The following STXBP3 variants were observed in gnomAD, a reference collection of about 807,000 sequenced individuals.
STXBP3 encodes syntaxin-binding protein 3.
STXBP3 carries 41 observed loss-of-function variants against 85.7 expected under a neutral mutation model. The ratio of observed to expected loss-of-function variants is 0.48; its 90% confidence interval spans 0.37 to 0.62. STXBP3 has a LOEUF of 0.62. Ranked by LOEUF, STXBP3 falls within the 20% of genes least tolerant of loss-of-function variation. The pLI is 0.00. For synonymous variants in STXBP3, 229 were observed against 231.7 expected (o/e 0.99, Z 0.10); for missense variants, 563 against 703.1 (o/e 0.80, Z 2.25).
intron 6 of STXBP3, among the ~76,000 whole-genome samples, chr1:108,762,354 C>T (rs1662157197): frequency 6.6e-6 from 1 of 152,126 alleles, no homozygotes; most frequent in African/African-American, 2.4e-5. Flanking sequence ...TTTATTTCTT[C>T]CTAATACACA....
intron 6 of STXBP3, among the ~76,000 whole-genome samples, chr1:108,769,020 G>C (rs1353536042): frequency 6.6e-6 from 1 of 152,060 alleles, no homozygotes; most frequent in Non-Finnish European, 1.5e-5. Context: ...TTTTAAACTC[G>C]CCAAAAACTT....
intron 17 of STXBP3, among the ~76,000 whole-genome samples, chr1:108,802,096 C>G (rs953513352): frequency 1.3e-5 from 2 of 151,986 alleles, no homozygotes; most frequent in African/African-American, 4.8e-5. Flanking sequence ...TCTGGGATTT[C>G]CTTATTAAAT....
At chr1:108,756,154 T>C (rs1258795267) in intron 3 of STXBP3, among the ~76,000 whole-genome samples, 2 of 152,340 alleles carry the variant, frequency 1.3e-5, no homozygotes, top group African/African-American at 4.8e-5. Context: ...ATAAAAAATA[T>C]AATTGACTAA....
At chr1:108,770,685 A>T (rs1170574530) in intron 6 of STXBP3, among the ~76,000 whole-genome samples, 1 of 152,196 alleles carries the variant, frequency 6.6e-6, no homozygotes, top group Non-Finnish European at 1.5e-5. Flanking sequence ...CTTACAATAA[A>T]TTTTCATAGT....
intron 6 of STXBP3, among the ~76,000 whole-genome samples, chr1:108,766,333 AT>A (rs1213306318): frequency 6.6e-6 from 1 of 152,154 alleles, no homozygotes. Flanking sequence ...AATATGTAAA[AT>A]TTCACTATGA....
At chr1:108,787,618 G>A (rs1025954086) in intron 11 of STXBP3, among the ~76,000 whole-genome samples, 2 of 151,908 alleles carry the variant, frequency 1.3e-5, no homozygotes, top group African/African-American at 4.8e-5. Context: ...AAATCAAACT[G>A]GTGATAATGA....
intron 11 of STXBP3, among the ~76,000 whole-genome samples, chr1:108,788,033 C>T (rs187608055): frequency 6.6e-6 from 1 of 152,200 alleles, no homozygotes; most frequent in African/African-American, 2.4e-5. Context: ...CTCAGACAAT[C>T]CTCCTGCCTC....
intron 8 of STXBP3, among the ~76,000 whole-genome samples, chr1:108,776,783 A>G (rs1221262355): frequency 6.6e-6 from 1 of 152,214 alleles, no homozygotes; most frequent in Non-Finnish European, 1.5e-5. Context: ...TTATGATTAA[A>G]TGAGTTAATA....
At chr1:108,790,972 T>A (rs1662961893) in intron 11 of STXBP3, among the ~76,000 whole-genome samples, 3 of 152,198 alleles carry the variant, frequency 2.0e-5, no homozygotes, top group Admixed American at 1.3e-4. Flanking sequence ...CAGTAGACTT[T>A]TATTATTACC....
intron 17 of STXBP3, among the ~76,000 whole-genome samples, chr1:108,801,603 G>A (rs1187105427): frequency 6.6e-6 from 1 of 151,898 alleles, no homozygotes; most frequent in East Asian, 1.9e-4. Flanking sequence ...GCTGAGTGTG[G>A]GTTAGGGGTT....
intron 11 of STXBP3, 58 bp from the exon 12 acceptor site, chr1:108,793,524 T>C: frequency 1.4e-6 from 2 of 1,398,708 alleles, no homozygotes; most frequent in Non-Finnish European, 2.0e-6. Flanking sequence ...ATTTCAAAGT[T>C]GTAATATGGA....
chr1:108,768,213 G>T (rs1458815019), intron 6 of STXBP3, among the ~76,000 whole-genome samples: 1 of 152,152 alleles, frequency 6.6e-6, no homozygotes, highest in Non-Finnish European at 1.5e-5. Flanking sequence ...TATCTGTGTT[G>T]TATAATGATA....
At chr1:108,751,010 T>A (rs545379932) in intron 1 of STXBP3, among the ~76,000 whole-genome samples, 1 of 152,218 alleles carries the variant, frequency 6.6e-6, no homozygotes, top group Admixed American at 6.5e-5. Flanking sequence ...TCCTGGCACA[T>A]GGTTTGTTCA....
intron 5 of STXBP3, 23 bp downstream of exon 5, chr1:108,758,611 G>T (rs764632101): frequency 7.3e-6 from 10 of 1,375,260 alleles, no homozygotes; most frequent in Non-Finnish European, 7.9e-6. Flanking sequence ...AAAAGTTATT[G>T]CTTCATTGTT....
chr1:108,776,444 A>G (rs1295972130), intron 8 of STXBP3, 21 bp downstream of exon 8: 1 of 1,543,006 alleles, frequency 6.5e-7, no homozygotes. Context: ...CAAGGCAAGT[A>G]ATGACTATGC....
intron 11 of STXBP3, among the ~76,000 whole-genome samples, chr1:108,787,216 C>T (rs764859630): frequency 9.9e-5 from 15 of 152,236 alleles, no homozygotes; most frequent in Non-Finnish European, 2.1e-4. Flanking sequence ...GCAATCCCCC[C>T]ACCCTTGCCT....
intron 6 of STXBP3, among the ~76,000 whole-genome samples, chr1:108,769,874 C>G (rs61797326): frequency 6.6e-6 from 1 of 151,964 alleles, no homozygotes; most frequent in Non-Finnish European, 1.5e-5. Context: ...GCTCTACATC[C>G]TCTACCTTCT....
rs759574183 is a variant in STXBP3 at position 108,758,596 on chromosome 1, T to G, written c.337+8T>G. ...ATATTTACTTCACTGACTGTAAGTC[T>G]TTTAAAAAGTTATTGCTTCATTGTT... On this transcript the variant is annotated splice_region_variant and intron_variant, in intron 5 of 18. Coordinates refer to ENST00000370008, the MANE Select transcript of STXBP3 (RefSeq NM_007269.4). The G allele has an allele frequency of 1.0e-5, 15 of 1,438,918 alleles. No individual in the cohort carries two copies. The South Asian group carries it at 2.3e-4, about 22-fold the overall frequency. The allele number at this position is 1,438,918 out of a possible 1,614,324, so 89.1% of individuals were successfully genotyped here. A position where few individuals can be genotyped will look rare whatever the true frequency, so the allele number is the denominator to read the frequency against.
At chr1:108,746,989 C>T (rs983471531) in intron 1 of STXBP3, among the ~76,000 whole-genome samples, 1 of 152,150 alleles carries the variant, frequency 6.6e-6, no homozygotes, top group African/African-American at 2.4e-5. Flanking sequence ...TGCGACGGGA[C>T]GCGGCCTTCT....
Sources: gnomAD v4.1 joint callset for allele counts (sites outside exome capture counted in the v4.1 genomes callset) on GRCh38, gnomAD v4.1.1 for gene constraint, MANE v1.5 for transcripts, NCBI Gene and HGNC (gene_info 2026-07-23, HGNC 2026-07-21) for gene names.